Variants in FGGY observed in about 807,000 individuals in gnomAD.
FGGY encodes the protein FGGY carbohydrate kinase domain containing, also known as FGGY carbohydrate kinase domain-containing protein.
In FGGY, 72 loss-of-function variants were observed where a neutral mutation model predicts 71.3. The observed-to-expected ratio is 1.01, with a 90% CI of 0.84 to 1.23. The LOEUF is 1.23. Among genes scored for constraint, FGGY ranks in the 50% most tolerant of loss-of-function variants. The pLI, the probability that FGGY is intolerant of heterozygous loss-of-function variation, is 0.00. For synonymous variants in FGGY, 251 were observed against 250.3 expected (o/e 1.00, Z -0.02); for missense variants, 668 against 682.3 (o/e 0.98, Z 0.23).
intron 5 of FGGY, among the ~76,000 whole-genome samples, chr1:59,406,323 G>A (rs77325500): frequency 0.024 from 3,568 of 151,780 alleles, 121 homozygotes; most frequent in African/African-American, 0.082. Context: ...CTCTCATAGT[G>A]TAAACAAGTG....
At chr1:59,723,582 G>GT (rs1214203805) in intron 14 of FGGY, among the ~76,000 whole-genome samples, 1 of 147,928 alleles carries the variant, frequency 6.8e-6, no homozygotes, top group Non-Finnish European at 1.5e-5. Flanking sequence ...GTGGTTGGGG[G>GT]TTTTTTTATC....
chr1:59,353,994 G>A (rs2053786914), intron 4 of FGGY, among the ~76,000 whole-genome samples: 3 of 152,180 alleles, frequency 2.0e-5, no homozygotes, highest in Admixed American at 1.3e-4. Flanking sequence ...TGTAGTGCTT[G>A]TTAATACATC....
At chr1:59,402,115 T>C (rs934434508) in intron 5 of FGGY, among the ~76,000 whole-genome samples, 1 of 152,206 alleles carries the variant, frequency 6.6e-6, no homozygotes, top group Non-Finnish European at 1.5e-5. Context: ...GAGTTGGATA[T>C]GTAGGGGCGA....
intron 8 of FGGY, among the ~76,000 whole-genome samples, chr1:59,592,715 C>T (rs1406391313): frequency 6.9e-6 from 1 of 145,844 alleles, no homozygotes; most frequent in East Asian, 2.0e-4. Flanking sequence ...TATTCTCACT[C>T]ATAGGTGGGA....
chr1:59,724,605 A>G (rs1421974851), intron 14 of FGGY, among the ~76,000 whole-genome samples: 1 of 152,106 alleles, frequency 6.6e-6, no homozygotes, highest in Non-Finnish European at 1.5e-5. Flanking sequence ...AAAATGTCAC[A>G]TAATTGGAAT....
intron 1 of FGGY, among the ~76,000 whole-genome samples, chr1:59,305,198 C>A (rs2407580): frequency 0.19 from 28,905 of 152,052 alleles, 3,371 homozygotes; most frequent in East Asian, 0.41. Context: ...TTGGGCTTGT[C>A]ATATATAGTC....
At chr1:59,609,991 A>G (rs1249770738) in intron 9 of FGGY, among the ~76,000 whole-genome samples, 1 of 152,260 alleles carries the variant, frequency 6.6e-6, no homozygotes, top group Non-Finnish European at 1.5e-5. Context: ...GAAGGAAGAC[A>G]TCATCTATGG....
chr1:59,728,111 CT>C (rs558023032), intron 14 of FGGY, among the ~76,000 whole-genome samples: 11 of 151,966 alleles, frequency 7.2e-5, no homozygotes, highest in African/African-American at 2.4e-4. Flanking sequence ...CTTTGTTTAC[CT>C]TTTTTTCCTC....
intron 11 of FGGY, among the ~76,000 whole-genome samples, chr1:59,649,876 T>C (rs1451933965): frequency 2.8e-5 from 4 of 141,034 alleles, no homozygotes; most frequent in Non-Finnish European, 6.0e-5. Context: ...AGTATGATAT[T>C]GGCTGTGGGT....
At chr1:59,710,410 C>T (rs1217820339) in intron 14 of FGGY, among the ~76,000 whole-genome samples, 1 of 152,108 alleles carries the variant, frequency 6.6e-6, no homozygotes, top group African/African-American at 2.4e-5. Context: ...GACTAAAACA[C>T]CGAAAGCAAT....
chr1:59,606,254 G>A (rs1221858272), intron 8 of FGGY, among the ~76,000 whole-genome samples: 1 of 152,172 alleles, frequency 6.6e-6, no homozygotes, highest in Non-Finnish European at 1.5e-5. Flanking sequence ...TGGAACACCT[G>A]TTTCACTTTA....
Position 59,320,710 on chromosome 1 carries a change from T to G in FGGY, c.-14-826T>G, listed in dbSNP as rs186082793. ...GGGTTCCTTCCCAATTCCCAGTCAC[T>G]TCATGACAAAGCTGCAATATATTTG... On this transcript the variant is annotated intron_variant, in intron 1 of 15. Transcript: ENST00000303721. Among the ~76,000 whole-genome samples the G allele has an allele frequency of 9.3e-4, 141 of 152,322 alleles. 1 individual carries two copies. Among genetic ancestry groups the G allele is most frequent in the African/African-American group, 3.0e-3 (126 of 41,578 alleles).
intron 6 of FGGY, among the ~76,000 whole-genome samples, chr1:59,473,440 G>A (rs183686585): frequency 1.9e-4 from 29 of 152,294 alleles, no homozygotes; most frequent in Non-Finnish European, 2.9e-4. Flanking sequence ...GTGAGGGTCC[G>A]CGGCTTCATT....
intron 6 of FGGY, chr1:59,474,267 A>G (rs576208069): frequency 6.6e-6 from 1 of 152,336 alleles, no homozygotes; most frequent in Non-Finnish European, 1.5e-5. Flanking sequence ...CTGAAAGATA[A>G]TTGGAAGTCC....
intron 4 of FGGY, among the ~76,000 whole-genome samples, chr1:59,369,658 A>C (rs940007817): frequency 4.6e-5 from 7 of 151,722 alleles, no homozygotes; most frequent in Non-Finnish European, 8.8e-5. Context: ...ACTGGGAGGC[A>C]CCCCCCAGTA....
chr1:59,437,030 T>G (rs906030161), intron 5 of FGGY, among the ~76,000 whole-genome samples: 18 of 152,178 alleles, frequency 1.2e-4, no homozygotes, highest in Admixed American at 1.2e-3. Context: ...GAGTTTGTCT[T>G]TGAAGAAGGA....
intron 5 of FGGY, among the ~76,000 whole-genome samples, chr1:59,440,701 G>A (rs772631301): frequency 2.7e-5 from 4 of 148,264 alleles, no homozygotes; most frequent in Non-Finnish European, 5.9e-5. Flanking sequence ...AATTTAGCAG[G>A]TGATCATAAT....
intron 7 of FGGY, among the ~76,000 whole-genome samples, chr1:59,517,858 G>T (rs2094708571): frequency 6.6e-6 from 1 of 152,214 alleles, no homozygotes; most frequent in African/African-American, 2.4e-5. Flanking sequence ...CTGAGAGAGA[G>T]AGTAACCTCT....
In FGGY at chr1:59,346,401, G is replaced by C. The variant is rs376176355; in HGVS notation, c.465+3G>C. The C allele has an allele frequency of 1.2e-6, 2 of 1,611,084 alleles. No homozygotes were observed. The highest frequency in any genetic ancestry group is 1.3e-5 in the African/African-American group (1 of 74,780). On this transcript the variant is annotated splice_donor_region_variant and intron_variant, in intron 4 of 15. Coordinates refer to ENST00000303721, the MANE Select transcript of FGGY (RefSeq NM_018291.5). Reference sequence around the variant, plus strand: ...CGAAACTTCTGTGGCTGAAAGAGGTGAGTGCATAGGGTCTAAGAGAAGATA... The same window carrying C: ...CGAAACTTCTGTGGCTGAAAGAGGTCAGTGCATAGGGTCTAAGAGAAGATA...
Sources: allele counts gnomAD v4.1 joint callset (sites outside exome capture counted in the v4.1 genomes callset), GRCh38; gene constraint gnomAD v4.1.1; transcripts MANE v1.5; gene names NCBI Gene and HGNC (gene_info 2026-07-23, HGNC 2026-07-21).